Variants in WWOX observed in about 807,000 individuals in gnomAD.
WWOX encodes the protein WW domain-containing oxidoreductase.
Under a neutral mutation model 46.2 loss-of-function variants are expected in WWOX, and 69 were observed. That is an observed-to-expected ratio of 1.49 (90% confidence interval 1.23 to 1.82). The LOEUF is 1.82. Ranked by LOEUF, WWOX falls within the 40% of genes most tolerant of loss-of-function variation. The pLI, the probability that WWOX is intolerant of heterozygous loss-of-function variation, is 0.00. For synonymous variants in WWOX, 359 were observed against 202.6 expected (o/e 1.77, Z -6.56); for missense variants, 919 against 542.6 (o/e 1.69, Z -6.89).
chr16:78,572,934 T>C (rs916542220), intron 8 of WWOX, among the ~76,000 whole-genome samples: 3 of 152,172 alleles, frequency 2.0e-5, no homozygotes, highest in Non-Finnish European at 2.9e-5. Flanking sequence ...TTATGTGAAG[T>C]CTTGTTATAT....
At chr16:78,351,051 A>G (rs1459774934) in intron 5 of WWOX, among the ~76,000 whole-genome samples, 1 of 152,188 alleles carries the variant, frequency 6.6e-6, no homozygotes, top group Non-Finnish European at 1.5e-5. Context: ...ATGGCTTAGG[A>G]TATTGAACAT....
At chr16:78,614,671 C>G (rs2045979170) in intron 8 of WWOX, among the ~76,000 whole-genome samples, 1 of 152,198 alleles carries the variant, frequency 6.6e-6, no homozygotes, top group Non-Finnish European at 1.5e-5. Flanking sequence ...GTTACAGGGC[C>G]TCGCCTTTTT....
At chr16:78,634,503 C>T (rs531519810) in intron 8 of WWOX, among the ~76,000 whole-genome samples, 163 of 151,958 alleles carry the variant, frequency 1.1e-3, no homozygotes, top group South Asian at 6.0e-3. Flanking sequence ...GTCAGGAGTT[C>T]GAGACCAGCC....
Position 78,542,018 on chromosome 16 carries a change from CAAAAAAAAAA to C in WWOX, c.1056+109285_1056+109294del, listed in dbSNP as rs548366256. On this transcript the variant is annotated intron_variant, in intron 8 of 8. Transcript: ENST00000566780. Reference sequence around the variant, plus strand: ...GAGGGTTTCTTTCAACAGAGTATACCAAAAAAAAAAAAAAAAAAAAAAAAAAAAGTAAATT... The same window carrying C: ...GAGGGTTTCTTTCAACAGAGTATACCAAAAAAAAAAAAAAAAAAGTAAATT... Among the ~76,000 whole-genome samples, 185 of 40,646 alleles carry C rather than the reference CAAAAAAAAAA, an allele frequency of 4.6e-3. 2 individuals are homozygous for C. The highest frequency in any genetic ancestry group is 0.018 in the African/African-American group (170 of 9,532). The allele number at this position is 40,646 out of a possible 152,430, so 26.7% of individuals were successfully genotyped here.
At chr16:78,403,116 T>A (rs1462074021) in intron 6 of WWOX, among the ~76,000 whole-genome samples, 1 of 152,242 alleles carries the variant, frequency 6.6e-6, no homozygotes, top group African/African-American at 2.4e-5. Flanking sequence ...AGAGTCGTCA[T>A]TGGCAAGGGA....
intron 8 of WWOX, among the ~76,000 whole-genome samples, chr16:79,159,301 C>A (rs541044580): frequency 7.6e-4 from 115 of 152,294 alleles, no homozygotes; most frequent in African/African-American, 2.7e-3. Flanking sequence ...TCCAACACAG[C>A]TAAATGAAAT....
intron 8 of WWOX, chr16:78,825,417 A>C (rs56087110): frequency 0.16 from 53,289 of 325,122 alleles, 4,623 homozygotes; most frequent in Admixed American, 0.26. Flanking sequence ...CCATCACGAC[A>C]GTAACAAATA....
intron 8 of WWOX, among the ~76,000 whole-genome samples, chr16:79,093,536 A>C (rs1023698106): frequency 6.6e-6 from 1 of 152,094 alleles, no homozygotes; most frequent in African/African-American, 2.4e-5. Context: ...TTTAACAGTC[A>C]CAGTGGCTCA....
chr16:79,166,862 T>C (rs1468144829), intron 8 of WWOX, among the ~76,000 whole-genome samples: 2 of 152,232 alleles, frequency 1.3e-5, no homozygotes, highest in East Asian at 1.9e-4. Flanking sequence ...ATTAATTCTT[T>C]AGTGAACTTG....
chr16:78,274,261 C>G (rs1350436996), intron 5 of WWOX, among the ~76,000 whole-genome samples: 1 of 152,170 alleles, frequency 6.6e-6, no homozygotes, highest in Non-Finnish European at 1.5e-5. Context: ...TCCTTTGAAA[C>G]CCACTGGATT....
chr16:79,183,295 C>T (rs2050948996), intron 8 of WWOX, among the ~76,000 whole-genome samples: 1 of 152,138 alleles, frequency 6.6e-6, no homozygotes. Context: ...TTGCATAGCA[C>T]CTTCAACCTT....
At chr16:79,001,333 G>C (rs2047088792) in intron 8 of WWOX, among the ~76,000 whole-genome samples, 1 of 151,928 alleles carries the variant, frequency 6.6e-6, no homozygotes, top group Non-Finnish European at 1.5e-5. Context: ...CAGCAGGAGA[G>C]TCAGGATGCA....
intron 8 of WWOX, among the ~76,000 whole-genome samples, chr16:78,577,188 T>C (rs762663187): frequency 5.9e-5 from 9 of 152,182 alleles, no homozygotes; most frequent in Non-Finnish European, 7.4e-5. Context: ...CTAAAGTCAG[T>C]TACATAACCA....
chr16:78,554,993 C>G (rs1229644758), intron 8 of WWOX, among the ~76,000 whole-genome samples: 1 of 152,084 alleles, frequency 6.6e-6, no homozygotes, highest in South Asian at 2.1e-4. Context: ...CCCGGATAAA[C>G]CAGCAGGGCC....
At chr16:79,101,998 C>T (rs2049207154) in intron 8 of WWOX, among the ~76,000 whole-genome samples, 1 of 141,842 alleles carries the variant, frequency 7.1e-6, no homozygotes, top group African/African-American at 2.6e-5. Flanking sequence ...TCATCTTCCT[C>T]CTCCCAGCAG....
chr16:78,711,565 G>C (rs563567349), intron 8 of WWOX, among the ~76,000 whole-genome samples: 1 of 152,330 alleles, frequency 6.6e-6, no homozygotes, highest in South Asian at 2.1e-4. Context: ...ATTAAAGTGT[G>C]AGCAGATGAC....
At chr16:78,278,598 T>C (rs1555512796) in intron 5 of WWOX, 1 of 1,608,270 alleles carries the variant, frequency 6.2e-7, no homozygotes, top group Non-Finnish European at 8.5e-7. Flanking sequence ...GTTTGTATCT[T>C]ACAGAAAACA....
chr16:78,886,129 T>G (rs74605176), intron 8 of WWOX, among the ~76,000 whole-genome samples: 3,296 of 151,986 alleles, frequency 0.022, 110 homozygotes, highest in Admixed American at 0.087. Context: ...GTCACCATGT[T>G]GGCCAGGCAG....
At chr16:78,898,129 T>C (rs1259027321) in intron 8 of WWOX, 1 of 152,170 alleles carries the variant, frequency 6.6e-6, no homozygotes, top group East Asian at 1.9e-4. Flanking sequence ...ATGGTGTCTT[T>C]TGAAAAGCAG....
Sources: gnomAD v4.1 joint callset for allele counts (sites outside exome capture counted in the v4.1 genomes callset) on GRCh38, gnomAD v4.1.1 for gene constraint, MANE v1.5 for transcripts, NCBI Gene and HGNC (gene_info 2026-07-23, HGNC 2026-07-21) for gene names.